ANKS1B: variants seen among roughly 807,000 people sequenced by gnomAD.
The protein encoded by ANKS1B is ankyrin repeat and sterile alpha motif domain containing 1B, also known as ankyrin repeat and sterile alpha motif domain-containing protein 1B.
ANKS1B carries 36 observed loss-of-function variants against 148.3 expected under a neutral mutation model. That is an observed-to-expected ratio of 0.24 (90% CI 0.19 to 0.32). The LOEUF is 0.32. Among genes scored for constraint, ANKS1B ranks in the 10% least tolerant of loss-of-function variants. The pLI, the probability that ANKS1B is intolerant of heterozygous loss-of-function variation, is 1.00. For synonymous variants in ANKS1B, 542 were observed against 560.8 expected (o/e 0.97, Z 0.47); for missense variants, 1,157 against 1,542.6 (o/e 0.75, Z 4.19).
intron 8 of ANKS1B, among the ~76,000 whole-genome samples, chr12:99,686,557 TAA>T (rs969890319): frequency 5.5e-4 from 83 of 152,278 alleles, no homozygotes; most frequent in African/African-American, 1.9e-3. Flanking sequence ...TAAATTGTCT[TAA>T]GTTTTTCTTG....
intron 12 of ANKS1B, among the ~76,000 whole-genome samples, chr12:99,280,029 A>G (rs2078190715): frequency 6.6e-6 from 1 of 152,076 alleles, no homozygotes; most frequent in South Asian, 2.1e-4. Context: ...AAAATAAATA[A>G]TAATTAAAGG....
At chr12:98,876,824 G>A (rs1438529275) in intron 17 of ANKS1B, among the ~76,000 whole-genome samples, 1 of 152,146 alleles carries the variant, frequency 6.6e-6, no homozygotes, top group Non-Finnish European at 1.5e-5. Context: ...TGGCCTTCAG[G>A]TACAGGTAGA....
chr12:98,947,763 G>A (rs554494786), intron 17 of ANKS1B, among the ~76,000 whole-genome samples: 5 of 152,244 alleles, frequency 3.3e-5, no homozygotes, highest in Admixed American at 3.3e-4. Context: ...CTGCAGCAAC[G>A]CCATTGCCCT....
rs368893419 is a variant in ANKS1B at position 99,587,291 on chromosome 12, A to G, written c.1272+67776T>C. Among the ~76,000 whole-genome samples the G allele has an allele frequency of 1.9e-3, 287 of 152,344 alleles. 2 individuals carry two copies. The highest frequency in any genetic ancestry group is 6.7e-3 in the African/African-American group (278 of 41,580). ...GAAGTCAGTAATCACAGGTCCTAAC[A>G]TTGAAATTTGACACAGGACCTTATG... On this transcript the variant is annotated intron_variant, in intron 9 of 26. Coordinates refer to ENST00000683438, the MANE Select transcript of ANKS1B (RefSeq NM_001352186.2).
chr12:99,089,263 T>C (rs765671826), intron 15 of ANKS1B, among the ~76,000 whole-genome samples: 2 of 151,960 alleles, frequency 1.3e-5, no homozygotes, highest in Non-Finnish European at 2.9e-5. Context: ...CACTGCACTC[T>C]CAATCTCCTT....
chr12:99,383,670 C>G (rs1331483969), intron 12 of ANKS1B, among the ~76,000 whole-genome samples: 1 of 152,056 alleles, frequency 6.6e-6, no homozygotes, highest in Non-Finnish European at 1.5e-5. Flanking sequence ...ATACACTCCC[C>G]CAGATCACCT....
At chr12:99,328,598 G>A (rs1336252829) in intron 12 of ANKS1B, among the ~76,000 whole-genome samples, 1 of 151,632 alleles carries the variant, frequency 6.6e-6, no homozygotes, top group Non-Finnish European at 1.5e-5. Context: ...GACCCCAAAA[G>A]ATCAAAATGT....
intron 9 of ANKS1B, among the ~76,000 whole-genome samples, chr12:99,596,473 A>G (rs183189342): frequency 6.6e-6 from 1 of 151,914 alleles, no homozygotes; most frequent in Non-Finnish European, 1.5e-5. Flanking sequence ...CCGCATCTTA[A>G]CTAATTATAC....
chr12:98,778,394 T>A (rs2098701839), intron 24 of ANKS1B, among the ~76,000 whole-genome samples: 1 of 152,214 alleles, frequency 6.6e-6, no homozygotes, highest in Non-Finnish European at 1.5e-5. Context: ...GAGAATCGCT[T>A]GAATTCCAGG....
chr12:99,753,132 T>A (rs1443344320), intron 8 of ANKS1B, among the ~76,000 whole-genome samples: 1 of 152,108 alleles, frequency 6.6e-6, no homozygotes, highest in Non-Finnish European at 1.5e-5. Context: ...TTTTAATAGA[T>A]CTCATTTCTC....
At chr12:99,234,037 A>T (rs1276706107) in intron 14 of ANKS1B, among the ~76,000 whole-genome samples, 1 of 152,252 alleles carries the variant, frequency 6.6e-6, no homozygotes, top group South Asian at 2.1e-4. Context: ...TTAAGATTTT[A>T]TTCTCCCAAT....
At chr12:99,743,503 C>A (rs768991153) in intron 8 of ANKS1B, among the ~76,000 whole-genome samples, 1 of 152,052 alleles carries the variant, frequency 6.6e-6, no homozygotes, top group African/African-American at 2.4e-5. Context: ...TACAACATAA[C>A]GTTAATCTTT....
chr12:99,159,198 T>TC (rs1404120685), intron 14 of ANKS1B, among the ~76,000 whole-genome samples: 1 of 152,098 alleles, frequency 6.6e-6, no homozygotes, highest in African/African-American at 2.4e-5. Context: ...TCTAAAGCTT[T>TC]CCCCCAAGAG....
At chr12:99,875,343 T>C (rs895862919) in intron 1 of ANKS1B, among the ~76,000 whole-genome samples, 2 of 152,166 alleles carry the variant, frequency 1.3e-5, no homozygotes, top group African/African-American at 4.8e-5. Context: ...AGCCAGCTTG[T>C]AGATTTGAAT....
At chr12:99,929,377 A>T (rs1244332333) in intron 1 of ANKS1B, among the ~76,000 whole-genome samples, 2 of 152,100 alleles carry the variant, frequency 1.3e-5, no homozygotes, top group Non-Finnish European at 2.9e-5. Context: ...GTTTGAGTTC[A>T]TTGTAGATTC....
At chr12:99,956,527 C>T (rs1190826755) in intron 1 of ANKS1B, among the ~76,000 whole-genome samples, 1 of 152,128 alleles carries the variant, frequency 6.6e-6, no homozygotes, top group Non-Finnish European at 1.5e-5. Flanking sequence ...TAGAATAATG[C>T]TACAACACAA....
At chr12:99,792,219 C>T (rs555483525) in intron 4 of ANKS1B, among the ~76,000 whole-genome samples, 3 of 151,926 alleles carry the variant, frequency 2.0e-5, no homozygotes, top group African/African-American at 4.8e-5. Flanking sequence ...CCCAAACAGA[C>T]GAATAACAAG....
intron 17 of ANKS1B, among the ~76,000 whole-genome samples, chr12:98,961,500 A>G (rs1218390605): frequency 1.3e-5 from 2 of 152,220 alleles, no homozygotes; most frequent in African/African-American, 4.8e-5. Context: ...GGAGTTTTCA[A>G]TCTGAAAGAA....
chr12:99,304,803 A>G (rs1349747445), intron 12 of ANKS1B, among the ~76,000 whole-genome samples: 1 of 152,056 alleles, frequency 6.6e-6, no homozygotes, highest in African/African-American at 2.4e-5. Context: ...TAATTTGTTC[A>G]TCTCTGAATT....
Sources: gnomAD v4.1 joint callset for allele counts (sites outside exome capture counted in the v4.1 genomes callset) on GRCh38, gnomAD v4.1.1 for gene constraint, MANE v1.5 for transcripts, NCBI Gene and HGNC (gene_info 2026-07-23, HGNC 2026-07-21) for gene names.